The following NDFIP1 variants were observed in gnomAD, a reference collection of about 807,000 sequenced individuals.
NDFIP1 encodes the protein NEDD4 family-interacting protein 1.
In NDFIP1, 7 loss-of-function variants were observed where a neutral mutation model predicts 28.8. The observed-to-expected ratio is 0.24, with a 90% CI of 0.14 to 0.46. NDFIP1 has a LOEUF of 0.46. Among genes scored for constraint, NDFIP1 ranks in the 20% least tolerant of loss-of-function variants. NDFIP1 has a pLI of 0.99. For synonymous variants in NDFIP1, 92 were observed against 101.0 expected, an observed-to-expected ratio of 0.91 and a Z score of 0.53; for missense variants, 194 against 269.1, an observed-to-expected ratio of 0.72 and a Z score of 1.95.
At chr5:142,125,525 A>G (rs923850489) in intron 1 of NDFIP1, among the ~76,000 whole-genome samples, 1 of 152,038 alleles carries the variant, frequency 6.6e-6, no homozygotes, top group Middle Eastern at 3.2e-3. Context: ...ATGCCTGGCT[A>G]ATTTTTAAAT....
intron 1 of NDFIP1, among the ~76,000 whole-genome samples, chr5:142,115,769 T>C (rs1757061035): frequency 1.3e-5 from 2 of 152,174 alleles, no homozygotes; most frequent in South Asian, 2.1e-4. Context: ...TAATTGCTTC[T>C]AGTGGTTGGC....
At chr5:142,116,677 T>G (rs1253925119) in intron 1 of NDFIP1, among the ~76,000 whole-genome samples, 5 of 151,962 alleles carry the variant, frequency 3.3e-5, no homozygotes, top group African/African-American at 1.2e-4. Context: ...CATATGTATT[T>G]TTCTTTTCTC....
chr5:142,117,893 T>G (rs1757086103), intron 1 of NDFIP1, among the ~76,000 whole-genome samples: 1 of 152,096 alleles, frequency 6.6e-6, no homozygotes, highest in Non-Finnish European at 1.5e-5. Context: ...TAGACTTTAC[T>G]TTTTGGAACT....
intron 6 of NDFIP1, 151 bp downstream of exon 6, chr5:142,140,780 T>C (rs1757319340): frequency 2.0e-5 from 13 of 651,082 alleles, no homozygotes; most frequent in Non-Finnish European, 2.4e-5. Context: ...TTCTTAAAAA[T>C]AGTCTTTCGT....
intron 2 of NDFIP1, 58 bp from the exon 3 acceptor site, chr5:142,132,154 C>T: frequency 6.3e-7 from 1 of 1,584,288 alleles, no homozygotes; most frequent in Non-Finnish European, 8.6e-7. Context: ...GTTAGTGGAA[C>T]TCCTTTTATT....
intron 3 of NDFIP1, among the ~76,000 whole-genome samples, chr5:142,133,180 G>A (rs1403672322): frequency 6.6e-6 from 1 of 152,200 alleles, no homozygotes; most frequent in Non-Finnish European, 1.5e-5. Flanking sequence ...TGTGAGGAGC[G>A]AAGCTCCTAA....
chr5:142,151,089 AT>A (rs547567601), intron 7 of NDFIP1, among the ~76,000 whole-genome samples: 127 of 152,360 alleles, frequency 8.3e-4, no homozygotes, highest in African/African-American at 3.0e-3. Flanking sequence ...GAGAGCATTT[AT>A]TTCAGTCAGA....
chr5:142,137,840 A>G lies in NDFIP1; in HGVS notation c.477A>G (p.Lys159=), dbSNP rs773466226. The change falls in exon 5 of 8, where the codon AAA becomes AAG. Residue 159 remains lysine, a synonymous_variant. Coordinates refer to ENST00000253814, the MANE Select transcript of NDFIP1 (RefSeq NM_030571.4). ...AISGFGLSLI[K]WILIVRFSTY... ...CAGGATTTGGTCTCTCTCTAATTAA[A>G]TGGATCCTGATTGTCAGGGTAAGTT... 5 of 1,614,082 alleles carry G rather than the reference A, an allele frequency of 3.1e-6. No individual in the cohort carries two copies. The Admixed American group carries it at 8.3e-5, about 27-fold the overall frequency.
At chr5:142,140,680 A>G in intron 6 of NDFIP1, 51 bp downstream of exon 6, 3 of 1,426,202 alleles carry the variant, frequency 2.1e-6, no homozygotes, top group East Asian at 2.3e-5. Context: ...ATTAAATTTT[A>G]TAAGTAAAAT....
intron 1 of NDFIP1, among the ~76,000 whole-genome samples, chr5:142,124,712 A>G (rs1757153090): frequency 1.3e-5 from 2 of 152,122 alleles, no homozygotes; most frequent in Non-Finnish European, 1.5e-5. Flanking sequence ...TCATTTTGCT[A>G]TTGAGAGGAT....
In NDFIP1 at chr5:142,112,988, T is replaced by C. The variant is rs183715915; in HGVS notation, c.63+3951T>C. 1.3e-3 allele frequency among the ~76,000 whole-genome samples: 203 copies of C among 152,320 alleles called. 1 individual carries two copies. Among genetic ancestry groups the C allele is most frequent in the Admixed American group, 3.4e-3 (52 of 15,296 alleles). Reference sequence around the variant, plus strand: ...ACGTTAACTCCCGTTCATCCATAGATGAACGCAGATCTTCTGCGGTAGATG... The same window carrying C: ...ACGTTAACTCCCGTTCATCCATAGACGAACGCAGATCTTCTGCGGTAGATG... On this transcript the variant is annotated intron_variant, in intron 1 of 7. Transcript: ENST00000253814.
chr5:142,130,265 G>C (rs1366752420), intron 1 of NDFIP1, among the ~76,000 whole-genome samples: 2 of 152,198 alleles, frequency 1.3e-5, no homozygotes, highest in Non-Finnish European at 2.9e-5. Context: ...AAGATGACTT[G>C]TGTAGACTAT....
At chr5:142,142,940 A>AAAATATAT (rs60076432) in intron 6 of NDFIP1, 2 of 38,160 alleles carry the variant, frequency 5.2e-5, no homozygotes, top group African/African-American at 2.5e-4. Context: ...AAAAAAAAAA[A>AAAATATAT]ATATATATAT....
rs1268283559 is a variant in NDFIP1, at chr5:142,140,700, TA to T, written c.562+74del. On this transcript the variant is annotated intron_variant, in intron 6 of 7. Transcript: ENST00000253814. Reference sequence around the variant, plus strand: ...ATTTTATAAGTAAAATTACTTGTAGTAAATGTTCATCTTGATTACTGTATAG... The same window carrying T: ...ATTTTATAAGTAAAATTACTTGTAGTAATGTTCATCTTGATTACTGTATAG... 16 of 1,212,674 alleles carry T rather than the reference TA, an allele frequency of 1.3e-5. No individual in the cohort carries two copies. In the East Asian group the frequency reaches 3.8e-4, roughly 29 times the overall value. The allele number at this position is 1,212,674 out of a possible 1,614,324, so 75.1% of individuals were successfully genotyped here.
intron 6 of NDFIP1, among the ~76,000 whole-genome samples, chr5:142,141,536 CAA>C (rs1596793832): frequency 6.6e-6 from 1 of 152,000 alleles, no homozygotes; most frequent in African/African-American, 2.4e-5. Context: ...GACATTAAAA[CAA>C]AGAGATGAAC....
chr5:142,139,994 TAAG>T (rs1444044783), intron 5 of NDFIP1, among the ~76,000 whole-genome samples: 2 of 152,182 alleles, frequency 1.3e-5, no homozygotes, highest in Non-Finnish European at 2.9e-5. Flanking sequence ...ACTTTCAAAA[TAAG>T]GAGTTAATAA....
intron 1 of NDFIP1, among the ~76,000 whole-genome samples, chr5:142,120,958 G>A (rs888050792): frequency 2.6e-5 from 4 of 152,212 alleles, no homozygotes; most frequent in African/African-American, 9.6e-5. Flanking sequence ...GTCTACCTGA[G>A]TATGCTCTAC....
intron 7 of NDFIP1, among the ~76,000 whole-genome samples, chr5:142,151,078 C>T (rs946995490): frequency 5.9e-5 from 9 of 152,110 alleles, no homozygotes; most frequent in South Asian, 2.1e-4. Context: ...GGCATTATTT[C>T]GAGAGCATTT....
intron 1 of NDFIP1, among the ~76,000 whole-genome samples, chr5:142,127,731 GGAT>G (rs1221703485): frequency 2.0e-5 from 3 of 152,062 alleles, no homozygotes; most frequent in African/African-American, 4.8e-5. Context: ...TGAGGCAGGC[GGAT>G]CACTTGAGGT....
Sources: gnomAD v4.1 joint callset for allele counts (sites outside exome capture counted in the v4.1 genomes callset) on GRCh38, gnomAD v4.1.1 for gene constraint, MANE v1.5 for transcripts, NCBI Gene and HGNC (gene_info 2026-07-23, HGNC 2026-07-21) for gene names.